ARID4A: variants seen among roughly 807,000 people sequenced by gnomAD.
ARID4A encodes AT-rich interactive domain-containing protein 4A.
A neutral mutation model predicts 148.6 loss-of-function variants in ARID4A; 39 were observed. The ratio of observed to expected loss-of-function variants is 0.26; its 90% CI spans 0.20 to 0.34. ARID4A has a LOEUF of 0.34. Among genes scored for constraint, ARID4A ranks in the 10% least tolerant of loss-of-function variants. The pLI, the probability that ARID4A is intolerant of heterozygous loss-of-function variation, is 1.00. For missense variants in ARID4A, 1,265 were observed against 1,449.1 expected (o/e 0.87, Z 2.06); for synonymous variants, 475 against 481.2 (o/e 0.99, Z 0.17).
intron 7 of ARID4A, 108 bp from the exon 8 acceptor site, chr14:58,323,377 T>G (rs2033020295): frequency 7.9e-7 from 1 of 1,268,550 alleles, no homozygotes; most frequent in African/African-American, 1.5e-5. Flanking sequence ...AGGCTACTAC[T>G]TTAGGGTGTA....
At position 58,372,536 on chromosome 14, in the gene ARID4A, C is replaced by T. The variant is rs2035657167; in HGVS notation, c.*547C>T. 1 of 213,074 alleles carries T rather than the reference C, an allele frequency of 4.7e-6. No individual in the cohort carries two copies. Among genetic ancestry groups the T allele is most frequent in the Admixed American group, 5.9e-5 (1 of 17,068 alleles). 13.2% of individuals were successfully genotyped at this position (213,074 alleles called of 1,614,324 possible). On this transcript the variant is annotated 3_prime_UTR_variant, in exon 24 of 24. Transcript: ENST00000355431. ...CCCAGGATTGAAGGTGTAAATGGGA[C>T]AAAATAAATTGTGAAAGGAAGTGTA... is the stretch of plus-strand genomic sequence containing the variant.
intron 7 of ARID4A, among the ~76,000 whole-genome samples, chr14:58,323,086 G>A (rs1276338834): frequency 6.7e-6 from 1 of 149,406 alleles, no homozygotes; most frequent in African/African-American, 2.5e-5. Context: ...GTGTTTTAAT[G>A]AGATATTTTC....
intron 5 of ARID4A, among the ~76,000 whole-genome samples, chr14:58,312,631 A>T (rs1333296352): frequency 1.3e-5 from 2 of 152,240 alleles, no homozygotes; most frequent in East Asian, 3.8e-4. Context: ...GTTAATCATA[A>T]CTGCTGTACA....
At chr14:58,322,992 T>A (rs1248768048) in intron 7 of ARID4A, among the ~76,000 whole-genome samples, 1 of 132,452 alleles carries the variant, frequency 7.5e-6, no homozygotes, top group Non-Finnish European at 1.6e-5. Context: ...TATATATATA[T>A]ATATATATAT....
At chr14:58,313,722 G>C (rs1352500612) in intron 5 of ARID4A, among the ~76,000 whole-genome samples, 1 of 152,208 alleles carries the variant, frequency 6.6e-6, no homozygotes, top group Non-Finnish European at 1.5e-5. Context: ...CTTAGTCCCA[G>C]GCCAAAGCCT....
At chr14:58,317,036 C>CA (rs2032470531) in intron 5 of ARID4A, among the ~76,000 whole-genome samples, 1 of 150,200 alleles carries the variant, frequency 6.7e-6, no homozygotes, top group Non-Finnish European at 1.5e-5. Flanking sequence ...ACTAAAAATA[C>CA]AAAAATATTA....
rs769970445 is a variant in ARID4A, at chr14:58,365,346, A to T, written c.3211+46A>T. 1.9e-6 allele frequency: 3 copies of T among 1,544,790 alleles called. No individual in the cohort carries two copies. In the South Asian group the frequency reaches 3.8e-5, roughly 20 times the overall value. Reference sequence around the variant, plus strand: ...AGTAAGTGTTTATATGAAACCAAAAATCAAAACTGTTGAGTTTCAGGTACT... The same window carrying T: ...AGTAAGTGTTTATATGAAACCAAAATTCAAAACTGTTGAGTTTCAGGTACT... On this transcript the variant is annotated intron_variant, in intron 20 of 23. Coordinates refer to ENST00000355431, the MANE Select transcript of ARID4A (RefSeq NM_002892.4).
At position 58,366,144 on chromosome 14, in the gene ARID4A, C is replaced by G. The variant is rs201425263; in HGVS notation, c.3437C>G (p.Pro1146Arg). The G allele has an allele frequency of 6.2e-7, 1 of 1,613,704 alleles. No homozygotes were observed. The highest frequency in any genetic ancestry group is 1.3e-5 in the African/African-American group (1 of 74,876). Residue 1146 changes from proline to arginine, a missense_variant, in exon 22 of 24, where the codon CCG (proline) becomes CGG (arginine). This residue lies in a region of ARID4A where 666 missense variants were observed against 730.9 expected (regional missense o/e 0.91). Transcript: ENST00000355431. ...KLARSPARISPHIKDGEKDKH... is the reference protein window; with the variant it reads ...KLARSPARISRHIKDGEKDKH... ...GCACGATCTCCTGCAAGAATATCCC[C>G]GCACATCAAAGATGGAGAGAAAGAT...
At chr14:58,349,800 A>C (rs1391315414) in intron 15 of ARID4A, among the ~76,000 whole-genome samples, 1 of 151,482 alleles carries the variant, frequency 6.6e-6, no homozygotes, top group Admixed American at 6.6e-5. Context: ...TCATTCATTT[A>C]CCTATAGATA....
intron 4 of ARID4A, 59 bp from the exon 5 acceptor site, chr14:58,305,963 G>A: frequency 8.6e-7 from 1 of 1,160,876 alleles, no homozygotes; most frequent in African/African-American, 1.5e-5. Context: ...TATAGTTGGT[G>A]GGAGTGATTT....
At chr14:58,342,816 G>A (rs2034177234) in intron 11 of ARID4A, among the ~76,000 whole-genome samples, 1 of 152,118 alleles carries the variant, frequency 6.6e-6, no homozygotes, top group East Asian at 1.9e-4. Flanking sequence ...AGGAGCCTGA[G>A]GAAGGAGAAT....
chr14:58,348,405 G>A (rs1342299349), intron 15 of ARID4A, among the ~76,000 whole-genome samples: 2 of 152,190 alleles, frequency 1.3e-5, no homozygotes, highest in Non-Finnish European at 2.9e-5. Flanking sequence ...TTAAATAGAT[G>A]TTGAATAAAT....
intron 11 of ARID4A, among the ~76,000 whole-genome samples, chr14:58,339,668 T>C (rs1349654754): frequency 2.0e-5 from 3 of 152,204 alleles, no homozygotes; most frequent in African/African-American, 7.2e-5. Context: ...TGTCTCTGTA[T>C]TACTCTGTTC....
At chr14:58,328,080 G>A (rs2033317053) in intron 8 of ARID4A, among the ~76,000 whole-genome samples, 157 bp from the exon 9 acceptor site, 1 of 152,108 alleles carries the variant, frequency 6.6e-6, no homozygotes, top group South Asian at 2.1e-4. Context: ...TTTTTTGTAT[G>A]CAATTCATTA....
chr14:58,304,871 A>G (rs1345038907), intron 3 of ARID4A, 73 bp from the exon 4 acceptor site: 5 of 1,235,344 alleles, frequency 4.0e-6, no homozygotes, highest in Non-Finnish European at 5.9e-6. Flanking sequence ...TAAAGACATT[A>G]TTGTTATAGT....
In ARID4A at chr14:58,322,695, C is replaced by T. The variant is rs531034469; in HGVS notation, c.450-790C>T. Among the ~76,000 whole-genome samples, 9 of 152,114 alleles carry T rather than the reference C, an allele frequency of 5.9e-5. No homozygotes were observed. In the East Asian group the frequency reaches 1.7e-3, roughly 29 times the overall value. On this transcript the variant is annotated intron_variant, in intron 7 of 23. Coordinates refer to ENST00000355431, the MANE Select transcript of ARID4A (RefSeq NM_002892.4). ...ATGTAGGCTTGGCTGGGCACGTTGC[C>T]TCACACCTGTAATCCCAGCACTTTG...
chr14:58,299,831 G>C lies in ARID4A; in HGVS notation c.-24G>C. 6.2e-7 allele frequency: 1 copy of C among 1,614,216 alleles called. No homozygotes were observed. Among genetic ancestry groups the C allele is most frequent in the Non-Finnish European group, 8.5e-7 (1 of 1,180,032 alleles). On this transcript the variant is annotated 5_prime_UTR_variant, in exon 2 of 24. Coordinates refer to ENST00000355431, the MANE Select transcript of ARID4A (RefSeq NM_002892.4). ...ACTGCGAAGATAGCTCGCTGAGCTGGAACCCCACAGATCACCAACAAAAAT... is the reference window on the plus strand; with the variant it reads ...ACTGCGAAGATAGCTCGCTGAGCTGCAACCCCACAGATCACCAACAAAAAT...
At chr14:58,307,781 T>A (rs1594867819) in intron 5 of ARID4A, among the ~76,000 whole-genome samples, 1 of 152,212 alleles carries the variant, frequency 6.6e-6, no homozygotes, top group East Asian at 1.9e-4. Context: ...GATTGTGCCA[T>A]TGCACTCCAG....
chr14:58,345,144 G>A (rs117567474), intron 12 of ARID4A, among the ~76,000 whole-genome samples: 3 of 152,152 alleles, frequency 2.0e-5, no homozygotes, highest in Non-Finnish European at 2.9e-5. Context: ...CTCCCAAAGT[G>A]CTGAGATTAC....
Sources: allele counts gnomAD v4.1 joint callset (sites outside exome capture counted in the v4.1 genomes callset), GRCh38; gene constraint gnomAD v4.1.1; regional missense constraint gnomAD v4.1.1; transcripts MANE v1.5; gene names NCBI Gene and HGNC (gene_info 2026-07-23, HGNC 2026-07-21).